Variants in CCDC192 observed in about 807,000 individuals in gnomAD.
CCDC192 encodes coiled-coil domain-containing protein 192.
intron 5 of CCDC192, among the ~76,000 whole-genome samples, chr5:127,829,071 AG>A (rs1195610183): frequency 6.6e-6 from 1 of 152,076 alleles, no homozygotes; most frequent in Non-Finnish European, 1.5e-5. Flanking sequence ...GGATGGTGAG[AG>A]ATGGGAGATG....
intron 6 of CCDC192, among the ~76,000 whole-genome samples, chr5:127,923,072 A>G (rs184563654): frequency 1.1e-4 from 16 of 152,360 alleles, no homozygotes; most frequent in Admixed American, 9.1e-4. Context: ...TTTCAGTTAC[A>G]TTATTGAGGC....
At chr5:127,913,964 T>C (rs1753447135) in intron 6 of CCDC192, among the ~76,000 whole-genome samples, 1 of 152,214 alleles carries the variant, frequency 6.6e-6, no homozygotes, top group Non-Finnish European at 1.5e-5. Context: ...GACTGGTATT[T>C]TATGGTATAT....
intron 2 of CCDC192, chr5:127,740,255 T>C (rs1343641978): frequency 1.3e-5 from 2 of 152,214 alleles, no homozygotes; most frequent in African/African-American, 2.4e-5. Flanking sequence ...TCTTCTCCAA[T>C]ATTTTTGCCA....
intron 5 of CCDC192, among the ~76,000 whole-genome samples, chr5:127,807,705 A>G (rs1027575261): frequency 1.3e-5 from 2 of 152,146 alleles, no homozygotes; most frequent in African/African-American, 4.8e-5. Context: ...CATTTCAACC[A>G]GAGAGCTCTG....
chr5:127,784,646 C>A, intron 3 of CCDC192: 1 of 723,932 alleles, frequency 1.4e-6, no homozygotes, highest in South Asian at 1.4e-5. Flanking sequence ...TGCTTTTCAC[C>A]ATCAACTTGC....
chr5:127,703,231 A>T (rs1750778718), upstream of CCDC192, among the ~76,000 whole-genome samples: 1 of 152,248 alleles, frequency 6.6e-6, no homozygotes, highest in Non-Finnish European at 1.5e-5. Context: ...ACCTATTCTC[A>T]TGCCTGGATC....
At chr5:127,737,522 C>T (rs2126831095) in intron 2 of CCDC192, among the ~76,000 whole-genome samples, 1 of 151,448 alleles carries the variant, frequency 6.6e-6, no homozygotes, top group East Asian at 1.9e-4. Context: ...CTAATGTTAA[C>T]AGTGGGGTGT....
intron 5 of CCDC192, among the ~76,000 whole-genome samples, chr5:127,834,875 A>G (rs1749963441): frequency 6.6e-6 from 1 of 152,200 alleles, no homozygotes; most frequent in African/African-American, 2.4e-5. Flanking sequence ...CAGTAGCACA[A>G]ATGGGCCAGT....
chr5:127,716,513 G>C (rs1409231244), intron 2 of CCDC192, among the ~76,000 whole-genome samples: 1 of 152,112 alleles, frequency 6.6e-6, no homozygotes, highest in Non-Finnish European at 1.5e-5. Context: ...AAGCTGTCAG[G>C]TCCTGAGCTT....
At chr5:127,907,479 CT>C (rs1753230323) in intron 6 of CCDC192, among the ~76,000 whole-genome samples, 1 of 151,870 alleles carries the variant, frequency 6.6e-6, no homozygotes, top group Admixed American at 6.6e-5. Context: ...ATATAAAAAA[CT>C]ATTCTAATTA....
intron 2 of CCDC192, among the ~76,000 whole-genome samples, chr5:127,748,765 G>A (rs1172511143): frequency 4.2e-4 from 61 of 144,850 alleles, no homozygotes; most frequent in African/African-American, 1.5e-3. Context: ...CCATTTGTTT[G>A]TATCCTCTTT....
chr5:127,771,040 A>G (rs1207151779), intron 3 of CCDC192, among the ~76,000 whole-genome samples: 2 of 152,220 alleles, frequency 1.3e-5, no homozygotes, highest in Non-Finnish European at 1.5e-5. Flanking sequence ...CAATTATATT[A>G]TCTCATTTTC....
At chr5:127,810,184 A>G (rs530244781) in intron 5 of CCDC192, among the ~76,000 whole-genome samples, 29 of 152,344 alleles carry the variant, frequency 1.9e-4, no homozygotes, top group Admixed American at 1.2e-3. Flanking sequence ...ATAGAAGTTC[A>G]TTTCTTTCTC....
chr5:127,742,357 G>A (rs1561459894), intron 2 of CCDC192, among the ~76,000 whole-genome samples: 2 of 152,060 alleles, frequency 1.3e-5, no homozygotes, highest in Non-Finnish European at 2.9e-5. Flanking sequence ...TATCAGTAAT[G>A]CTATAGAAAT....
intron 5 of CCDC192, among the ~76,000 whole-genome samples, chr5:127,842,466 C>T (rs1750333864): frequency 1.3e-5 from 2 of 152,188 alleles, no homozygotes; most frequent in South Asian, 4.1e-4. Flanking sequence ...AATCCTCCCA[C>T]CTTGGCCTTC....
rs376731978 is a variant in CCDC192, at chr5:127,732,645, A to G, written c.115-21623A>G. ...AAAGAAAATGTGGTACATATACACC[A>G]TGGAGTACTATGCAGTCATAAAAAG... On this transcript the variant is annotated intron_variant, in intron 2 of 6. Transcript: ENST00000514853. Among the ~76,000 whole-genome samples, 3 of 152,252 alleles carry G rather than the reference A, an allele frequency of 2.0e-5. No individual in the cohort carries two copies. In the East Asian group the frequency reaches 5.8e-4, roughly 29 times the overall value.
intron 5 of CCDC192, among the ~76,000 whole-genome samples, chr5:127,874,960 T>C (rs1752009201): frequency 6.6e-6 from 1 of 151,254 alleles, no homozygotes; most frequent in African/African-American, 2.5e-5. Flanking sequence ...GAGTAAGGCA[T>C]TCCTGTTCAT....
intron 6 of CCDC192, among the ~76,000 whole-genome samples, chr5:127,915,421 G>T (rs186018141): frequency 1.3e-5 from 2 of 152,104 alleles, no homozygotes; most frequent in Non-Finnish European, 2.9e-5. Flanking sequence ...CCTCGCTGTC[G>T]CCCAGGCTGG....
intron 2 of CCDC192, among the ~76,000 whole-genome samples, chr5:127,719,830 G>GT (rs138708896): frequency 1.1e-3 from 101 of 94,336 alleles, no homozygotes; most frequent in African/African-American, 4.2e-3. Flanking sequence ...ATCAGAGGAA[G>GT]GGGCGGGGGA....
Sources: allele counts gnomAD v4.1 joint callset (sites outside exome capture counted in the v4.1 genomes callset), GRCh38; gene constraint gnomAD v4.1.1; transcripts MANE v1.5; gene names NCBI Gene and HGNC (gene_info 2026-07-23, HGNC 2026-07-21).